The following NAALAD2 variants were observed in gnomAD, a reference collection of about 807,000 sequenced individuals.
NAALAD2 encodes the protein N-acetylated-alpha-linked acidic dipeptidase 2.
NAALAD2 carries 89 observed loss-of-function variants against 95.6 expected under a neutral mutation model. The ratio of observed to expected loss-of-function variants is 0.93; its 90% CI spans 0.78 to 1.11. The LOEUF (loss-of-function observed/expected upper bound fraction) is 1.11. Among genes scored for constraint, NAALAD2 ranks in the 50% least tolerant of loss-of-function variants. The probability of loss-of-function intolerance (pLI) is 0.00; values close to 1 mark genes in which losing one functional copy is unlikely to be tolerated. For synonymous variants in NAALAD2, 264 were observed against 294.4 expected (o/e 0.90, Z 1.06); for missense variants, 894 against 872.4 (o/e 1.02, Z -0.31).
At chr11:90,162,905 CAT>C (rs1279171544) in intron 8 of NAALAD2, 42 bp from the exon 9 acceptor site, 1 of 1,076,232 alleles carries the variant, frequency 9.3e-7, no homozygotes, top group East Asian at 2.5e-5. Context: ...CTGTAAAAAA[CAT>C]AATTTGCTGT....
intron 17 of NAALAD2, 36 bp from the exon 18 acceptor site, chr11:90,182,880 G>A (rs777771409): frequency 1.5e-6 from 2 of 1,353,380 alleles, no homozygotes; most frequent in Non-Finnish European, 2.1e-6. Flanking sequence ...TGATTCTGCG[G>A]TTTGCGTTAT....
upstream of NAALAD2, chr11:90,131,768 G>A (rs1359119386): frequency 6.6e-6 from 1 of 152,060 alleles, no homozygotes; most frequent in African/African-American, 2.4e-5. Context: ...ATGGAGAAGA[G>A]GAGGAAAAAA....
Position 90,163,546 on chromosome 11 carries a change from A to G in NAALAD2, c.1207A>G (p.Arg403Gly), listed in dbSNP as rs1314663996. Residue 403 changes from arginine (R) to glycine (G), a missense_variant, in exon 11 of 19, where the codon AGA becomes GGA. Coordinates refer to ENST00000534061, the MANE Select transcript of NAALAD2 (RefSeq NM_005467.4). ...AACAATTCTTACAGGCTGGAGACCT[A>G]GAAGAACTATCATTTTTGCCAGCTG... ...GKLMSKGWRP[R>G]RTIIFASWDA... is the part of the protein sequence containing the mutation. The G allele has an allele frequency of 6.2e-7, 1 of 1,614,056 alleles. No individual in the cohort carries two copies. Among genetic ancestry groups the G allele is most frequent in the Non-Finnish European group, 8.5e-7 (1 of 1,179,950 alleles).
At chr11:90,161,489 T>C (rs1461196440) in intron 8 of NAALAD2, among the ~76,000 whole-genome samples, 1 of 152,192 alleles carries the variant, frequency 6.6e-6, no homozygotes, top group Non-Finnish European at 1.5e-5. Flanking sequence ...TTCTGGGTTC[T>C]GGGGATTCAG....
chr11:90,142,939 T>G (rs1415088298), intron 2 of NAALAD2, among the ~76,000 whole-genome samples: 1 of 152,066 alleles, frequency 6.6e-6, no homozygotes, highest in Middle Eastern at 3.2e-3. Flanking sequence ...ATTCTTAAAT[T>G]TACTACTGTG....
intron 3 of NAALAD2, among the ~76,000 whole-genome samples, chr11:90,148,696 C>T (rs1053559689): frequency 1.4e-5 from 2 of 147,160 alleles, no homozygotes; most frequent in East Asian, 2.0e-4. Flanking sequence ...GAAAAGGAGC[C>T]CACAAAGGAA....
Position 90,191,620 on chromosome 11 carries a change from A to G in NAALAD2, c.2096A>G (p.Tyr699Cys), listed in dbSNP as rs373596183. 6 of 1,606,438 alleles carry G rather than the reference A, an allele frequency of 3.7e-6. No individual in the cohort carries two copies. Among genetic ancestry groups the G allele is most frequent in the African/African-American group, 2.7e-5 (2 of 74,688 alleles). Reference protein sequence around the residue: ...KYAGESFPGIYDAIFDIENKA... With the variant: ...KYAGESFPGICDAIFDIENKA... Reference sequence around the variant, plus strand: ...GCTGGAGAATCATTTCCTGGAATCTATGATGCTATCTTTGATATTGAAAAT... The same window carrying G: ...GCTGGAGAATCATTTCCTGGAATCTGTGATGCTATCTTTGATATTGAAAAT... Residue 699 changes from tyrosine (Y) to cysteine (C), a missense_variant, in exon 19 of 19, where the codon TAT becomes TGT. Physicochemically the swap from Tyr to Cys is radical, Grantham distance 194. Coordinates refer to ENST00000534061, the MANE Select transcript of NAALAD2 (RefSeq NM_005467.4).
At position 90,184,070 on chromosome 11, in the gene NAALAD2, G is replaced by GT. The variant is rs562182543; in HGVS notation, c.2033+1064dup. Reference sequence around the variant, plus strand: ...TCAAAGCCAGAAAATCTATATTCTAGTTCACTTGCAGATGTGTGACTTAAA... The same window carrying GT: ...TCAAAGCCAGAAAATCTATATTCTAGTTTCACTTGCAGATGTGTGACTTAAA... On this transcript the variant is annotated intron_variant, in intron 18 of 18. Coordinates refer to ENST00000534061, the MANE Select transcript of NAALAD2 (RefSeq NM_005467.4). 7.9e-5 allele frequency among the ~76,000 whole-genome samples: 12 copies of GT among 152,184 alleles called. No homozygotes were observed. In the East Asian group the frequency reaches 1.5e-3, roughly 20 times the overall value.
chr11:90,174,122 A>G (rs2134961109), intron 14 of NAALAD2, among the ~76,000 whole-genome samples: 1 of 152,278 alleles, frequency 6.6e-6, no homozygotes, highest in African/African-American at 2.4e-5. Flanking sequence ...ACCTGAGGTC[A>G]GGCATTGGAG....
Position 90,159,234 on chromosome 11 carries a change from G to C in NAALAD2, c.891-5G>C. ...TTTTCTGTCACTTTCATTTTATTTTGTCAGCTACTTGGGAGGAATTGCTCC... is the reference window on the plus strand; with the variant it reads ...TTTTCTGTCACTTTCATTTTATTTTCTCAGCTACTTGGGAGGAATTGCTCC... On this transcript the variant is annotated splice_polypyrimidine_tract_variant and splice_region_variant and intron_variant, in intron 7 of 18. Coordinates refer to ENST00000534061, the MANE Select transcript of NAALAD2 (RefSeq NM_005467.4). 2 of 1,606,572 alleles carry C rather than the reference G, an allele frequency of 1.2e-6. No homozygotes were observed. The highest frequency in any genetic ancestry group is 1.7e-6 in the Non-Finnish European group (2 of 1,174,020).
chr11:90,178,112 C>G lies in NAALAD2; in HGVS notation c.1853C>G (p.Ser618Ter). The change falls in exon 16 of 19, where the codon TCA becomes TGA. Residue 618 changes from serine to a stop codon, truncating the protein, a stop_gained. Transcript: ENST00000534061. LOFTEE classifies it high-confidence loss of function. Reference sequence around the variant, plus strand: ...CAACAATTGACAGACCATGGAGTATCATTTGGTAAGAAATAGTTGGGCAGA... The same window carrying G: ...CAACAATTGACAGACCATGGAGTATGATTTGGTAAGAAATAGTTGGGCAGA... The part of the protein sequence containing the change: ...HDQQLTDHGV[S>*]FDSLFSAVKN... The G allele has an allele frequency of 6.2e-7, 1 of 1,606,514 alleles. No homozygotes were observed. Among genetic ancestry groups the G allele is most frequent in the Non-Finnish European group, 8.5e-7 (1 of 1,177,470 alleles).
intron 2 of NAALAD2, among the ~76,000 whole-genome samples, chr11:90,142,621 G>A (rs888206200): frequency 3.3e-5 from 5 of 152,042 alleles, no homozygotes; most frequent in African/African-American, 1.2e-4. Flanking sequence ...ATTTAAGTAT[G>A]CCCTCTGTGG....
intron 18 of NAALAD2, among the ~76,000 whole-genome samples, chr11:90,187,646 T>G (rs956372220): frequency 6.6e-6 from 1 of 152,220 alleles, no homozygotes; most frequent in African/African-American, 2.4e-5. Context: ...CATCCAGCAA[T>G]GTATATCAGG....
chr11:90,184,914 T>C (rs1477862261), intron 18 of NAALAD2, among the ~76,000 whole-genome samples: 1 of 152,128 alleles, frequency 6.6e-6, no homozygotes, highest in African/African-American at 2.4e-5. Context: ...CTTTTTTGGG[T>C]CATTATTCCC....
At chr11:90,166,316 T>A (rs890970419) in intron 11 of NAALAD2, among the ~76,000 whole-genome samples, 1 of 152,202 alleles carries the variant, frequency 6.6e-6, no homozygotes, top group African/African-American at 2.4e-5. Context: ...TTTGTGTATG[T>A]GTATGAGAGA....
intron 6 of NAALAD2, among the ~76,000 whole-genome samples, chr11:90,155,737 A>G (rs573042611): frequency 9.0e-6 from 1 of 111,290 alleles, no homozygotes; most frequent in African/African-American, 3.6e-5. Flanking sequence ...ATACATACAT[A>G]TGTATGTATT....
rs760492278 is a variant in NAALAD2, at chr11:90,163,615, G to C, written c.1276G>C (p.Glu426Gln). ...ACTTCTGGGTTCCACAGAATGGGCT[G>C]AGGTAAATAAGACAAAGAAGGTTCT... ...FGLLGSTEWA[E>Q]ENVKILQERS... is the part of the protein sequence containing the mutation. The change falls in exon 11 of 19, where the codon GAG becomes CAG. Residue 426 changes from glutamate (E) to glutamine (Q), a missense_variant and splice_region_variant. Glu to Gln is a conservative substitution (Grantham distance 29). Coordinates refer to ENST00000534061, the MANE Select transcript of NAALAD2 (RefSeq NM_005467.4). The C allele has an allele frequency of 1.9e-6, 3 of 1,613,910 alleles. No homozygotes were observed. The highest frequency in any genetic ancestry group is 2.5e-6 in the Non-Finnish European group (3 of 1,179,812).
intron 9 of NAALAD2, 108 bp downstream of exon 9, chr11:90,163,142 C>T: frequency 4.2e-6 from 5 of 1,198,622 alleles, no homozygotes; most frequent in Non-Finnish European, 5.8e-6. Context: ...TGATTTGAAA[C>T]TACTAAATTT....
chr11:90,142,805 T>A (rs1171700890), intron 2 of NAALAD2, among the ~76,000 whole-genome samples: 1 of 152,134 alleles, frequency 6.6e-6, no homozygotes, highest in East Asian at 1.9e-4. Flanking sequence ...TCTGACTTTT[T>A]GATAGTGGGG....
Sources: gnomAD v4.1 joint callset for allele counts (sites outside exome capture counted in the v4.1 genomes callset) on GRCh38, gnomAD v4.1.1 for gene constraint, MANE v1.5 for transcripts, NCBI Gene and HGNC (gene_info 2026-07-23, HGNC 2026-07-21) for gene names.